Variants in HTR4 observed in about 807,000 individuals in gnomAD.
The protein encoded by HTR4 is 5-hydroxytryptamine receptor 4, also known as 5-hydroxytryptamine (serotonin) receptor 4, G protein-coupled.
HTR4 carries 16 observed loss-of-function variants against 36.8 expected under a neutral mutation model. The ratio of observed to expected loss-of-function variants is 0.43; its 90% CI spans 0.29 to 0.66. The LOEUF is 0.66. Ranked by LOEUF, HTR4 falls within the 30% of genes least tolerant of loss-of-function variation. The pLI is 0.13. For synonymous variants in HTR4, 189 were observed against 185.1 expected (o/e 1.02, Z -0.17); for missense variants, 438 against 490.9 (o/e 0.89, Z 1.02).
chr5:148,494,657 T>C (rs937127092), intron 6 of HTR4, among the ~76,000 whole-genome samples: 14 of 152,212 alleles, frequency 9.2e-5, no homozygotes, highest in Non-Finnish European at 1.9e-4. Context: ...TGAGAGAAAG[T>C]TGTATTGCCT....
chr5:148,600,507 T>C (rs1761950808), intron 2 of HTR4, among the ~76,000 whole-genome samples: 1 of 151,294 alleles, frequency 6.6e-6, no homozygotes, highest in African/African-American at 2.4e-5. Flanking sequence ...AAGAAAGGAA[T>C]TCAGGATACA....
At chr5:148,462,454 G>T (rs967825776) in intron 5 of HTR4, among the ~76,000 whole-genome samples, 1 of 151,886 alleles carries the variant, frequency 6.6e-6, no homozygotes, top group Admixed American at 6.6e-5. Context: ...GACACATTCT[G>T]CTAATACACA....
downstream of HTR4, among the ~76,000 whole-genome samples, chr5:148,477,766 T>C (rs1755744810): frequency 6.6e-6 from 1 of 152,226 alleles, no homozygotes; most frequent in African/African-American, 2.4e-5. Context: ...CCTACCACTT[T>C]TTTTTCGCAT....
intron 4 of HTR4, among the ~76,000 whole-genome samples, chr5:148,540,400 G>GTATGTA (rs1759048576): frequency 1.3e-5 from 1 of 74,326 alleles, no homozygotes; most frequent in South Asian, 4.7e-4. Context: ...TTATGTGTGT[G>GTATGTA]TATATATATA....
At chr5:148,520,370 C>A (rs1295973745) in intron 5 of HTR4, among the ~76,000 whole-genome samples, 1 of 152,128 alleles carries the variant, frequency 6.6e-6, no homozygotes, top group Non-Finnish European at 1.5e-5. Context: ...TGAACAAAAA[C>A]TTTCTGGGTT....
At chr5:148,519,944 A>G (rs541074124) in intron 5 of HTR4, among the ~76,000 whole-genome samples, 1 of 152,192 alleles carries the variant, frequency 6.6e-6, no homozygotes, top group Non-Finnish European at 1.5e-5. Flanking sequence ...TCATTCAGGC[A>G]TGAGTTATAG....
At chr5:148,492,159 G>A (rs968565427) in intron 6 of HTR4, among the ~76,000 whole-genome samples, 9 of 152,220 alleles carry the variant, frequency 5.9e-5, no homozygotes, top group African/African-American at 1.9e-4. Context: ...ATCTCTGAGG[G>A]CTGGTACACA....
At chr5:148,578,199 G>A (rs1761000943) in intron 2 of HTR4, among the ~76,000 whole-genome samples, 1 of 151,982 alleles carries the variant, frequency 6.6e-6, no homozygotes, top group Non-Finnish European at 1.5e-5. Context: ...ACAAGGAGGG[G>A]TAAACTGTAT....
At chr5:148,465,434 T>A (rs1432971807) in intron 5 of HTR4, among the ~76,000 whole-genome samples, 1 of 152,144 alleles carries the variant, frequency 6.6e-6, no homozygotes. Context: ...AAAAGTACCT[T>A]ATTTAGTCAC....
Position 148,629,429 on chromosome 5 carries a change from T to C in HTR4, c.26+7560A>G, listed in dbSNP as rs569384257. The C allele has an allele frequency of 2.6e-5, 4 of 152,248 alleles. No homozygotes were observed. The South Asian group carries it at 8.3e-4, about 32-fold the overall frequency. 9.4% of individuals were successfully genotyped at this position (152,248 alleles called of 1,614,324 possible). On this transcript the variant is annotated intron_variant, in intron 2 of 6. Transcript: ENST00000377888. ...TACTCTTCTCACTTCACAGGTGAAATGATGTGGATTTTCATTATCAAGGAG... is the reference window on the plus strand; with the variant it reads ...TACTCTTCTCACTTCACAGGTGAAACGATGTGGATTTTCATTATCAAGGAG...
Position 148,654,053 on chromosome 5 carries a change from C to T in HTR4, c.-48+9G>A, listed in dbSNP as rs1754120730. The T allele has an allele frequency of 4.1e-6, 4 of 985,310 alleles. No individual in the cohort carries two copies. Among genetic ancestry groups the T allele is most frequent in the Middle Eastern group, 5.2e-4 (1 of 1,914 alleles). The allele number at this position is 985,310 out of a possible 1,614,324, so 61.0% of individuals were successfully genotyped here. ...GGGTCCCGACCCCCGGCGCACTTGC[C>T]GCACATACCCGCTGCCAGAGGCGAG... On this transcript the variant is annotated intron_variant, in intron 1 of 6. Coordinates refer to ENST00000377888, the MANE Select transcript of HTR4 (RefSeq NM_000870.7).
intron 1 of HTR4, among the ~76,000 whole-genome samples, chr5:148,637,307 C>A (rs940160149): frequency 1.3e-5 from 2 of 152,122 alleles, no homozygotes; most frequent in Non-Finnish European, 2.9e-5. Flanking sequence ...CTTCTTTTTG[C>A]TCCATTTATT....
chr5:148,465,877 T>C, intron 5 of HTR4: 1 of 1,613,066 alleles, frequency 6.2e-7, no homozygotes, highest in Non-Finnish European at 8.5e-7. Context: ...AGACAGGAAC[T>C]GGTCTATTGC....
intron 2 of HTR4, among the ~76,000 whole-genome samples, chr5:148,604,721 T>C (rs1361498402): frequency 6.6e-6 from 1 of 152,176 alleles, no homozygotes; most frequent in African/African-American, 2.4e-5. Context: ...CTCAAAGATA[T>C]AATGATGAAT....
At chr5:148,456,481 A>G (rs182977624) in intron 5 of HTR4, among the ~76,000 whole-genome samples, 29 of 152,338 alleles carry the variant, frequency 1.9e-4, no homozygotes, top group African/African-American at 6.5e-4. Context: ...AAGAAAGCAC[A>G]GGGTACTGCA....
intron 6 of HTR4, among the ~76,000 whole-genome samples, chr5:148,492,819 G>A (rs1756514532): frequency 6.6e-6 from 1 of 152,040 alleles, no homozygotes; most frequent in Non-Finnish European, 1.5e-5. Context: ...ATCTCAGACA[G>A]GACTGAAACC....
downstream of HTR4, among the ~76,000 whole-genome samples, chr5:148,472,633 C>A (rs185320339): frequency 1.2e-4 from 18 of 152,236 alleles, no homozygotes; most frequent in East Asian, 3.5e-3. Context: ...ATGTATTAAA[C>A]AGGTCAGGGT....
chr5:148,515,249 T>A (rs1190468756), intron 5 of HTR4, among the ~76,000 whole-genome samples: 2 of 152,168 alleles, frequency 1.3e-5, no homozygotes, highest in African/African-American at 2.4e-5. Flanking sequence ...ACATTTGCCA[T>A]TTCCTTGGCA....
chr5:148,494,339 T>A (rs559495854), intron 6 of HTR4, among the ~76,000 whole-genome samples: 1 of 152,292 alleles, frequency 6.6e-6, no homozygotes, highest in African/African-American at 2.4e-5. Flanking sequence ...GACAGACAGA[T>A]AATAAACAAG....
Sources: gnomAD v4.1 joint callset for allele counts (sites outside exome capture counted in the v4.1 genomes callset) on GRCh38, gnomAD v4.1.1 for gene constraint, MANE v1.5 for transcripts, NCBI Gene and HGNC (gene_info 2026-07-23, HGNC 2026-07-21) for gene names.